OPCML: variants seen among roughly 807,000 people sequenced by gnomAD.
OPCML encodes opioid binding protein/cell adhesion molecule like, also known as opioid-binding protein/cell adhesion molecule.
In OPCML, 13 loss-of-function variants were observed where a neutral mutation model predicts 37.8. The ratio of observed to expected loss-of-function variants is 0.34; its 90% confidence interval spans 0.22 to 0.55. OPCML has a LOEUF of 0.55. OPCML is among the 20% of genes least tolerant of loss of function. The pLI, the probability that OPCML is intolerant of heterozygous loss-of-function variation, is 0.91. For synonymous variants in OPCML, 176 were observed against 168.8 expected (o/e 1.04, Z -0.33); for missense variants, 341 against 435.6 (o/e 0.78, Z 1.93).
At chr11:133,493,620 T>TA (rs558245090) in intron 1 of OPCML, among the ~76,000 whole-genome samples, 22 of 149,712 alleles carry the variant, frequency 1.5e-4, no homozygotes, top group East Asian at 3.9e-4. Flanking sequence ...TGTCTCCATT[T>TA]AAAAAAAAAA....
chr11:132,533,243 T>C lies in OPCML; in HGVS notation c.380-4057A>G, dbSNP rs1055079562. Among the ~76,000 whole-genome samples, 8 of 152,266 alleles carry C rather than the reference T, an allele frequency of 5.3e-5. No individual in the cohort carries two copies. In the East Asian group the frequency reaches 7.7e-4, roughly 15 times the overall value. ...TTTCACTGATGGTGGTGTTTTACAA[T>C]AGGGCCTTTGCATAGATTGTGCAGA... On this transcript the variant is annotated intron_variant, in intron 3 of 7. Coordinates refer to ENST00000524381, the MANE Select transcript of OPCML (RefSeq NM_001012393.5).
At chr11:133,121,535 G>T (rs374309479) in intron 1 of OPCML, among the ~76,000 whole-genome samples, 14 of 152,188 alleles carry the variant, frequency 9.2e-5, no homozygotes, top group African/African-American at 2.9e-4. Context: ...AGATTAGAAG[G>T]GGGTGATAGG....
chr11:133,375,562 T>G (rs1944784331), intron 1 of OPCML, among the ~76,000 whole-genome samples: 1 of 152,170 alleles, frequency 6.6e-6, no homozygotes, highest in African/African-American at 2.4e-5. Flanking sequence ...GGGTCTGGGA[T>G]CATGCCCTGA....
At chr11:132,581,690 C>T (rs1463696931) in intron 3 of OPCML, among the ~76,000 whole-genome samples, 1 of 152,134 alleles carries the variant, frequency 6.6e-6, no homozygotes, top group Non-Finnish European at 1.5e-5. Context: ...ATGAATAACC[C>T]TAACAGACAC....
chr11:133,512,342 C>T (rs777090880), intron 1 of OPCML, among the ~76,000 whole-genome samples: 10 of 152,178 alleles, frequency 6.6e-5, no homozygotes, highest in South Asian at 2.1e-4. Flanking sequence ...TTATAAAACA[C>T]GTTACAAAGG....
chr11:133,247,825 G>T (rs1405973301), intron 1 of OPCML, among the ~76,000 whole-genome samples: 1 of 151,970 alleles, frequency 6.6e-6, no homozygotes, highest in East Asian at 1.9e-4. Flanking sequence ...GGCCAGGCTG[G>T]TCTCAAACTT....
intron 1 of OPCML, among the ~76,000 whole-genome samples, chr11:133,261,354 C>G (rs144287654): frequency 2.0e-5 from 3 of 152,188 alleles, no homozygotes; most frequent in Non-Finnish European, 4.4e-5. Context: ...ATGTCTGTCC[C>G]CCCCATCTTT....
intron 1 of OPCML, among the ~76,000 whole-genome samples, chr11:133,197,018 G>A (rs1342754836): frequency 6.6e-6 from 1 of 152,200 alleles, no homozygotes; most frequent in African/African-American, 2.4e-5. Flanking sequence ...GGAGTGAATT[G>A]CCTGGAGTGT....
At position 132,454,386 on chromosome 11, in the gene OPCML, A is replaced by G. The variant is rs375331163; in HGVS notation, c.506-17027T>C. ...TGTGATGGTGGAAGCCTGATTTGGA[A>G]GGGTGAGGACCGATGCTCAGTGAGC... On this transcript the variant is annotated intron_variant, in intron 4 of 7. Coordinates refer to ENST00000524381, the MANE Select transcript of OPCML (RefSeq NM_001012393.5). 1.9e-4 allele frequency among the ~76,000 whole-genome samples: 29 copies of G among 152,292 alleles called. No individual in the cohort carries two copies. The South Asian group carries it at 5.6e-3, about 29-fold the overall frequency.
At chr11:132,918,285 G>A (rs1944673787) in intron 2 of OPCML, among the ~76,000 whole-genome samples, 1 of 152,148 alleles carries the variant, frequency 6.6e-6, no homozygotes, top group African/African-American at 2.4e-5. Flanking sequence ...CTGCAGCTCA[G>A]TGATTTTTCT....
chr11:133,336,845 A>G (rs1045388913), intron 1 of OPCML, among the ~76,000 whole-genome samples: 5 of 152,188 alleles, frequency 3.3e-5, no homozygotes, highest in Non-Finnish European at 4.4e-5. Flanking sequence ...TTTTCTACAG[A>G]TGGAAATATT....
At chr11:132,532,953 T>G (rs1247161128) in intron 3 of OPCML, among the ~76,000 whole-genome samples, 1 of 152,208 alleles carries the variant, frequency 6.6e-6, no homozygotes, top group Non-Finnish European at 1.5e-5. Context: ...GGATAGCTTT[T>G]AAGTGCTTCT....
At position 132,515,899 on chromosome 11, in the gene OPCML, G is replaced by T. The variant is rs182285408; in HGVS notation, c.505+13162C>A. Among the ~76,000 whole-genome samples the T allele has an allele frequency of 3.3e-5, 5 of 152,288 alleles. No individual in the cohort carries two copies. In the East Asian group the frequency reaches 7.7e-4, roughly 24 times the overall value. On this transcript the variant is annotated intron_variant, in intron 4 of 7. Coordinates refer to ENST00000524381, the MANE Select transcript of OPCML (RefSeq NM_001012393.5). ...AAAAGAGCCTGCAGAGACAGGGAAG[G>T]TCAAAATTCTGGTGTCACACAGAGA...
Position 133,177,702 on chromosome 11 carries a change from G to A in OPCML, c.62-234692C>T, listed in dbSNP as rs1185392406. On this transcript the variant is annotated intron_variant, in intron 1 of 7. Transcript: ENST00000524381. This position sits in a 1 kb window ranked among gnomAD's most constrained non-coding sequence, Gnocchi z 5.0. ...TCCAGTGAAATCGCAGTAACAGTGGGTGGTACACTAAGGTCCACAGATTTT... is the reference window on the plus strand; with the variant it reads ...TCCAGTGAAATCGCAGTAACAGTGGATGGTACACTAAGGTCCACAGATTTT... 2.0e-5 allele frequency among the ~76,000 whole-genome samples: 3 copies of A among 152,182 alleles called. No homozygotes were observed. Among genetic ancestry groups the A allele is most frequent in the African/African-American group, 7.2e-5 (3 of 41,432 alleles).
chr11:132,450,488 G>A (rs539008078), intron 4 of OPCML, among the ~76,000 whole-genome samples: 14 of 152,120 alleles, frequency 9.2e-5, no homozygotes, highest in East Asian at 1.9e-4. Context: ...AGGGCTGCCC[G>A]TAGAGGGGCC....
At chr11:132,620,306 T>C (rs1018557668) in intron 3 of OPCML, among the ~76,000 whole-genome samples, 6 of 152,218 alleles carry the variant, frequency 3.9e-5, no homozygotes, top group Non-Finnish European at 8.8e-5. Context: ...GTTGTTTCTT[T>C]CTCAGTCCAA....
intron 3 of OPCML, among the ~76,000 whole-genome samples, chr11:132,627,076 GA>G (rs932279380): frequency 1.3e-5 from 2 of 151,962 alleles, no homozygotes; most frequent in Admixed American, 6.6e-5. Context: ...TTGCAATTAG[GA>G]GAGTATTTTA....
intron 1 of OPCML, among the ~76,000 whole-genome samples, chr11:132,958,731 C>A (rs756120288): frequency 6.6e-6 from 1 of 152,212 alleles, no homozygotes; most frequent in East Asian, 1.9e-4. Flanking sequence ...ATAAATGGAA[C>A]AACAGAGCCT....
At chr11:132,707,777 A>G (rs1212809802) in intron 2 of OPCML, among the ~76,000 whole-genome samples, 1 of 152,162 alleles carries the variant, frequency 6.6e-6, no homozygotes, top group Non-Finnish European at 1.5e-5. Flanking sequence ...ACTGATGAAG[A>G]CTCAGATTGT....
Sources: allele counts gnomAD v4.1 joint callset (sites outside exome capture counted in the v4.1 genomes callset), GRCh38; gene constraint gnomAD v4.1.1; non-coding constraint Gnocchi (gnomAD v3.1); transcripts MANE v1.5; gene names NCBI Gene and HGNC (gene_info 2026-07-23, HGNC 2026-07-21).